Variants in NTAN1 observed in about 807,000 individuals in gnomAD.
The protein encoded by NTAN1 is N-terminal asparagine amidase.
In NTAN1, 32 loss-of-function variants were observed where a neutral mutation model predicts 41.9. That is an observed-to-expected ratio of 0.76 (90% CI 0.58 to 1.03). The LOEUF (loss-of-function observed/expected upper bound fraction) is 1.03. Ranked by LOEUF, NTAN1 falls within the 50% of genes least tolerant of loss-of-function variation. NTAN1 has a pLI of 0.00. For synonymous variants in NTAN1, 140 were observed against 139.5 expected (o/e 1.00, Z -0.03); for missense variants, 377 against 377.5 (o/e 1.00, Z 0.01).
intron 1 of NTAN1, among the ~76,000 whole-genome samples, chr16:15,054,452 C>T (rs2044420394): frequency 6.6e-6 from 1 of 152,190 alleles, no homozygotes; most frequent in African/African-American, 2.4e-5. Context: ...TAGAGCATCC[C>T]CTAAATTCTT....
intron 4 of NTAN1, chr16:15,044,911 A>C (rs185287687): frequency 6.5e-6 from 1 of 153,112 alleles, no homozygotes; most frequent in Non-Finnish European, 1.5e-5. Flanking sequence ...GCTTGAGCTC[A>C]GGAGTTTGCA....
intron 1 of NTAN1, chr16:15,055,648 A>G (rs918713378): frequency 1.3e-4 from 46 of 348,384 alleles, no homozygotes; most frequent in Non-Finnish European, 2.1e-4. Context: ...TGGGCAAGTC[A>G]CCTAACCTCT....
Position 15,046,790 on chromosome 16 carries a change from A to T in NTAN1, c.359+652T>A, listed in dbSNP as rs8045951. 9.3e-5 allele frequency among the ~76,000 whole-genome samples: 14 copies of T among 149,746 alleles called. No homozygotes were observed. The East Asian group carries it at 2.6e-3, about 27-fold the overall frequency. ...CTTGGGAGGCTGAGGTCGGAGAATC[A>T]CCTGAGTCCACAAAGTCAAGGCTGC... On this transcript the variant is annotated intron_variant, in intron 4 of 9. Coordinates refer to ENST00000287706, the MANE Select transcript of NTAN1 (RefSeq NM_173474.4).
Position 15,055,986 on chromosome 16 carries a change from C to T in NTAN1, c.-15G>A. ...AGCAGCGGCATCGCGGAGGCGGCCG[C>T]CCAGGCAGGCCCAGGGAGGCGGCGG... On this transcript the variant is annotated 5_prime_UTR_variant, in exon 1 of 10. Transcript: ENST00000287706. 8.3e-7 allele frequency: 1 copy of T among 1,203,296 alleles called. No homozygotes were observed. The highest frequency in any genetic ancestry group is 1.0e-6 in the Non-Finnish European group (1 of 967,682). The allele number at this position is 1,203,296 out of a possible 1,614,324, so 74.5% of individuals were successfully genotyped here. A position where few individuals can be genotyped will look rare whatever the true frequency, so the allele number is the denominator to read the frequency against.
Position 15,049,515 on chromosome 16 carries a change from A to G in NTAN1, c.82-1416T>C, listed in dbSNP as rs191361189. 2.3e-3 allele frequency among the ~76,000 whole-genome samples: 347 copies of G among 150,786 alleles called. 3 individuals carry two copies. The highest frequency in any genetic ancestry group is 8.0e-3 in the African/African-American group (328 of 40,998). ...GTGATCTCAGTTCACTGCAATCTCC[A>G]CCTCCCAGGTTCAAGCGATTCTCGT... On this transcript the variant is annotated intron_variant, in intron 1 of 9. Coordinates refer to ENST00000287706, the MANE Select transcript of NTAN1 (RefSeq NM_173474.4).
rs35440863 is a variant in NTAN1, at chr16:15,049,434, A to AT, written c.82-1336dup. Among the ~76,000 whole-genome samples the AT allele has an allele frequency of 9.8e-3, 1,436 of 146,308 alleles. 24 individuals carry two copies. Among genetic ancestry groups the AT allele is most frequent in the African/African-American group, 0.025 (999 of 39,712 alleles). On this transcript the variant is annotated intron_variant, in intron 1 of 9. Coordinates refer to ENST00000287706, the MANE Select transcript of NTAN1 (RefSeq NM_173474.4). Reference sequence around the variant, plus strand: ...ATCCCTGTGTTATTTCTTTTATCTTATTTTTTTTTTTTGAGACAGAGTCTC... The same window carrying AT: ...ATCCCTGTGTTATTTCTTTTATCTTATTTTTTTTTTTTTGAGACAGAGTCTC...
rs2044500142 is a variant in NTAN1, at chr16:15,055,991, GCAGGCCCAGGGAGGCGGCGGCCCC to G, written c.-44_-21del. The G allele has an allele frequency of 2.5e-6, 3 of 1,202,692 alleles. No homozygotes were observed. The highest frequency in any genetic ancestry group is 3.1e-6 in the Non-Finnish European group (3 of 967,342). 74.5% of individuals were successfully genotyped at this position (1,202,692 alleles called of 1,614,324 possible). On this transcript the variant is annotated 5_prime_UTR_variant, in exon 1 of 10. Transcript: ENST00000287706. ...CGGCATCGCGGAGGCGGCCGCCCAG[GCAGGCCCAGGGAGGCGGCGGCCCC>G]CCGCTTTGCAGCCCCGGGCCGCCCG...
chr16:15,054,751 G>A (rs745743007), intron 1 of NTAN1, among the ~76,000 whole-genome samples: 13 of 152,112 alleles, frequency 8.5e-5, no homozygotes, highest in South Asian at 4.1e-4. Flanking sequence ...GCCAGGGACC[G>A]TCCTACACTC....
intron 4 of NTAN1, chr16:15,045,750 T>C (rs2044034180): frequency 6.6e-6 from 1 of 152,296 alleles, no homozygotes; most frequent in East Asian, 1.9e-4. Flanking sequence ...ACCCAGTGTT[T>C]CCCACACTCA....
Position 15,055,819 on chromosome 16 carries a change from G to A in NTAN1, c.81+72C>T, listed in dbSNP as rs1408026395. The A allele has an allele frequency of 4.9e-6, 4 of 820,536 alleles. No individual in the cohort carries two copies. In the East Asian group the frequency reaches 1.0e-4, roughly 21 times the overall value. The allele number at this position is 820,536 out of a possible 1,614,324, so 50.8% of individuals were successfully genotyped here. On this transcript the variant is annotated intron_variant, in intron 1 of 9. Coordinates refer to ENST00000287706, the MANE Select transcript of NTAN1 (RefSeq NM_173474.4). ...GCCAAGTTTCAAGTCTGTGTCGCGTGAGGGGGGCGCTAGCCCGCCCTGCAG... is the reference window on the plus strand; with the variant it reads ...GCCAAGTTTCAAGTCTGTGTCGCGTAAGGGGGGCGCTAGCCCGCCCTGCAG...
At chr16:15,047,607 G>T in intron 3 of NTAN1, 57 bp from the exon 4 acceptor site, 3 of 1,266,666 alleles carry the variant, frequency 2.4e-6, no homozygotes, top group Admixed American at 1.7e-5. Context: ...GCAGTGCGCA[G>T]GCCGAGACTC....
chr16:15,041,579 C>G, intron 6 of NTAN1, 44 bp downstream of exon 6: 1 of 1,422,390 alleles, frequency 7.0e-7, no homozygotes, highest in Non-Finnish European at 9.9e-7. Flanking sequence ...ACAAAACGGT[C>G]CTGAGACCCA....
chr16:15,044,260 G>A, intron 5 of NTAN1, 74 bp downstream of exon 5: 2 of 1,013,774 alleles, frequency 2.0e-6, no homozygotes, highest in Non-Finnish European at 3.1e-6. Context: ...GTACCAATTG[G>A]GATTTTTAAC....
At position 15,039,982 on chromosome 16, in the gene NTAN1, A is replaced by G; in HGVS notation, c.626T>C (p.Leu209Ser). The G allele has an allele frequency of 6.3e-7, 1 of 1,597,704 alleles. No homozygotes were observed. ...TTTGAAACTCACTGGTCCTCCTGCT[A>G]AAGTTCGCGCAGCACGAAGCTGCTC... is the stretch of plus-strand genomic sequence containing the variant. ...PEEQLRAART[L>S]AGGPMISIYD... The change falls in exon 8 of 10, where the codon TTA (leucine) becomes TCA (serine). Residue 209 changes from leucine (L) to serine (S), a missense_variant. Transcript: ENST00000287706.
chr16:15,038,209 T>C lies in NTAN1; in HGVS notation c.755A>G (p.Asn252Ser). 6.2e-7 allele frequency: 1 copy of C among 1,611,748 alleles called. No homozygotes were observed. The highest frequency in any genetic ancestry group is 8.5e-7 in the Non-Finnish European group (1 of 1,178,810). ...CTCAGCCAGAGGCGAAGTGGAAAGA[T>C]TCTGAAAACACAAGATGGTGGGCAT... The part of the protein sequence containing the change: ...LHQDDKQILE[N>S]LSTSPLAEPP... The change falls in exon 10 of 10, where the codon AAT (asparagine) becomes AGT (serine). Residue 252 changes from asparagine (N) to serine (S), a missense_variant and splice_region_variant. Transcript: ENST00000287706.
At chr16:15,038,283 A>T (rs1176034258) in intron 9 of NTAN1, 73 bp from the exon 10 acceptor site, 2 of 1,090,038 alleles carry the variant, frequency 1.8e-6, no homozygotes, top group Non-Finnish European at 2.7e-6. Context: ...ATGTCAAAGT[A>T]TCTTTGTTCT....
In NTAN1 at chr16:15,041,654, A is replaced by G. The variant is rs2043821008; in HGVS notation, c.456T>C (p.Asp152=). The part of the protein sequence containing the change: ...QLLSEFDRQE[D]DIHLVTLCVT... ...CACATAATGTCACTAAGTGAATGTC[A>G]TCTTCTTGCCTGTCAAATTCACCTA... Residue 152 remains aspartate, a synonymous_variant, in exon 6 of 10, where the codon GAT becomes GAC. Coordinates refer to ENST00000287706, the MANE Select transcript of NTAN1 (RefSeq NM_173474.4). 1.2e-6 allele frequency: 2 copies of G among 1,610,374 alleles called. No homozygotes were observed. Among genetic ancestry groups the G allele is most frequent in the Non-Finnish European group, 1.7e-6 (2 of 1,176,700 alleles).
intron 1 of NTAN1, among the ~76,000 whole-genome samples, chr16:15,051,783 C>T (rs1211273298): frequency 6.6e-6 from 1 of 150,524 alleles, no homozygotes. Context: ...TCACTGCAAC[C>T]TCAAACTCCT....
intron 1 of NTAN1, among the ~76,000 whole-genome samples, chr16:15,052,011 TAAA>T (rs879576261): frequency 2.1e-5 from 3 of 143,364 alleles, no homozygotes; most frequent in Non-Finnish European, 4.6e-5. Context: ...AATATTTGCT[TAAA>T]AAAAAAAAAG....
Sources: gnomAD v4.1 joint callset for allele counts (sites outside exome capture counted in the v4.1 genomes callset) on GRCh38, gnomAD v4.1.1 for gene constraint, MANE v1.5 for transcripts, NCBI Gene and HGNC (gene_info 2026-07-23, HGNC 2026-07-21) for gene names.